MTUS2: variants seen among roughly 807,000 people sequenced by gnomAD.
MTUS2 encodes the protein microtubule-associated tumor suppressor candidate 2.
A neutral mutation model predicts 114.1 loss-of-function variants in MTUS2; 40 were observed. That is an observed-to-expected ratio of 0.35 (90% CI 0.27 to 0.46). The LOEUF is 0.46. MTUS2 is among the 20% of genes least tolerant of loss of function. MTUS2 has a pLI of 1.00. For synonymous variants in MTUS2, 688 were observed against 672.0 expected, an observed-to-expected ratio of 1.02 and a Z score of -0.37; for missense variants, 1,679 against 1,705.4, an observed-to-expected ratio of 0.98 and a Z score of 0.27.
chr13:28,955,731 C>T (rs1440037699), intron 2 of MTUS2, among the ~76,000 whole-genome samples: 1 of 152,010 alleles, frequency 6.6e-6, no homozygotes, highest in Non-Finnish European at 1.5e-5. Flanking sequence ...CTTTATCACT[C>T]TCACATGCCA....
At chr13:29,346,194 A>G (rs1426125594) in intron 7 of MTUS2, among the ~76,000 whole-genome samples, 4 of 152,070 alleles carry the variant, frequency 2.6e-5, no homozygotes, top group Non-Finnish European at 5.9e-5. Flanking sequence ...GGAGGATACA[A>G]GCTTGCCCTA....
intron 5 of MTUS2, among the ~76,000 whole-genome samples, chr13:29,165,196 T>G (rs532314960): frequency 3.2e-3 from 482 of 152,340 alleles, no homozygotes; most frequent in Non-Finnish European, 4.8e-3. Context: ...TCTGAACTTC[T>G]GTCCTGCCAC....
intron 4 of MTUS2, among the ~76,000 whole-genome samples, chr13:29,087,349 A>T (rs190795229): frequency 6.6e-6 from 1 of 152,184 alleles, no homozygotes; most frequent in Non-Finnish European, 1.5e-5. Flanking sequence ...TGCTGTGTCT[A>T]TGAGATTATT....
intron 8 of MTUS2, among the ~76,000 whole-genome samples, chr13:29,400,964 A>G (rs1239834402): frequency 6.6e-6 from 1 of 152,070 alleles, no homozygotes; most frequent in African/African-American, 2.4e-5. Flanking sequence ...CGTTGTGTCT[A>G]TTGTATGTGT....
intron 5 of MTUS2, among the ~76,000 whole-genome samples, chr13:29,139,252 T>C (rs994187370): frequency 6.6e-6 from 1 of 152,230 alleles, no homozygotes; most frequent in South Asian, 2.1e-4. Flanking sequence ...CTCAAGCTGA[T>C]GATTACATAT....
chr13:29,298,519 T>C (rs1176606002), intron 6 of MTUS2, among the ~76,000 whole-genome samples: 1 of 152,246 alleles, frequency 6.6e-6, no homozygotes, highest in Non-Finnish European at 1.5e-5. Flanking sequence ...TGTGTACATG[T>C]GCCAGACAGA....
At chr13:29,243,139 C>G (rs191304733) in intron 5 of MTUS2, among the ~76,000 whole-genome samples, 1 of 152,228 alleles carries the variant, frequency 6.6e-6, no homozygotes, top group Admixed American at 6.5e-5. Flanking sequence ...GGCACGAAAT[C>G]AAAGCTAGAA....
At chr13:28,872,797 G>A (rs998633095) in intron 2 of MTUS2, among the ~76,000 whole-genome samples, 7 of 152,152 alleles carry the variant, frequency 4.6e-5, no homozygotes, top group Admixed American at 6.5e-5. Flanking sequence ...ATCACATTTC[G>A]ACATGAGGTT....
Position 29,095,320 on chromosome 13 carries a change from T to C in MTUS2, c.2447-5453T>C, listed in dbSNP as rs187499639. Among the ~76,000 whole-genome samples, 207 of 152,258 alleles carry C rather than the reference T, an allele frequency of 1.4e-3. 1 individual carries two copies. Among genetic ancestry groups the C allele is most frequent in the African/African-American group, 4.8e-3 (201 of 41,580 alleles). On this transcript the variant is annotated intron_variant, in intron 4 of 15. Coordinates refer to ENST00000612955, the MANE Select transcript of MTUS2 (RefSeq NM_001033602.4). ...CTGTTCATTTTTGCTTGATGTAATT[T>C]GGGTATCTGTTGTTAGGTGTATATA...
chr13:29,284,402 T>TAAAA (rs565944585), intron 6 of MTUS2, among the ~76,000 whole-genome samples: 46 of 148,962 alleles, frequency 3.1e-4, no homozygotes, highest in African/African-American at 8.6e-4. Context: ...AGCTATTTTT[T>TAAAA]AAAAAAAAAA....
At chr13:29,447,647 T>C (rs909563697) in intron 9 of MTUS2, among the ~76,000 whole-genome samples, 1 of 149,846 alleles carries the variant, frequency 6.7e-6, no homozygotes, top group African/African-American at 2.5e-5. Context: ...TCATAAAGTA[T>C]CTCATCCTCA....
intron 4 of MTUS2, among the ~76,000 whole-genome samples, chr13:29,042,532 A>G (rs1477780284): frequency 9.2e-5 from 14 of 152,068 alleles, no homozygotes; most frequent in Non-Finnish European, 4.4e-5. Flanking sequence ...ATTAGTGTCA[A>G]TAGGATTTGT....
intron 2 of MTUS2, among the ~76,000 whole-genome samples, chr13:29,023,761 A>G (rs1001455660): frequency 3.3e-5 from 5 of 152,184 alleles, no homozygotes; most frequent in Non-Finnish European, 1.5e-5. Context: ...TGCAATACAT[A>G]CCTCAATTTA....
At chr13:29,495,251 G>A (rs184166326) in intron 12 of MTUS2, among the ~76,000 whole-genome samples, 2 of 148,030 alleles carry the variant, frequency 1.4e-5, no homozygotes, top group African/African-American at 5.0e-5. Flanking sequence ...CCAGCTACTT[G>A]GGAGGCTGAG....
intron 8 of MTUS2, among the ~76,000 whole-genome samples, chr13:29,386,815 C>T (rs1872658741): frequency 6.6e-6 from 1 of 152,154 alleles, no homozygotes; most frequent in South Asian, 2.1e-4. Flanking sequence ...TGCATGATGG[C>T]TCCTCCCTGC....
In MTUS2 at chr13:29,025,202, C is replaced by T; in HGVS notation, c.504C>T (p.Asp168=). ...AGGATAAACTGGCAAAGACCCTTGA[C>T]AATGAGGAACTGAGGAGGCATTCTT... ...VPKDKLAKTL[D]NEELRRHSLE... The change falls in exon 3 of 16, where the codon GAC becomes GAT. Residue 168 remains aspartate, a synonymous_variant. Transcript: ENST00000612955. 6.2e-7 allele frequency: 1 copy of T among 1,614,002 alleles called. No individual in the cohort carries two copies. The highest frequency in any genetic ancestry group is 8.5e-7 in the Non-Finnish European group (1 of 1,179,890).
chr13:29,322,319 T>A (rs146804765), intron 6 of MTUS2, among the ~76,000 whole-genome samples: 1 of 151,988 alleles, frequency 6.6e-6, no homozygotes, highest in Non-Finnish European at 1.5e-5. Flanking sequence ...CAAAGCCAAG[T>A]GAAGGAAAAG....
At chr13:28,963,447 C>G (rs914674521) in intron 2 of MTUS2, among the ~76,000 whole-genome samples, 2 of 152,240 alleles carry the variant, frequency 1.3e-5, no homozygotes. Context: ...ATGTCCCTTT[C>G]ACACCAGATA....
intron 8 of MTUS2, among the ~76,000 whole-genome samples, chr13:29,384,261 CA>C (rs1012046551): frequency 7.2e-5 from 11 of 152,198 alleles, no homozygotes; most frequent in African/African-American, 2.4e-4. Context: ...TATCCAAGCC[CA>C]GGGGAAATCC....
Sources: allele counts gnomAD v4.1 joint callset (sites outside exome capture counted in the v4.1 genomes callset), GRCh38; gene constraint gnomAD v4.1.1; transcripts MANE v1.5; gene names NCBI Gene and HGNC (gene_info 2026-07-23, HGNC 2026-07-21).